Variants in RBFOX1 observed in about 807,000 individuals in gnomAD.
RBFOX1 encodes the protein RNA binding fox-1 homolog 1.
A neutral mutation model predicts 57.7 loss-of-function variants in RBFOX1; 8 were observed. The observed-to-expected ratio is 0.14, with a 90% CI of 0.08 to 0.25. The LOEUF is 0.25. Ranked by LOEUF, RBFOX1 falls within the 10% of genes least tolerant of loss-of-function variation. The pLI, the probability that RBFOX1 is intolerant of heterozygous loss-of-function variation, is 1.00. For missense variants in RBFOX1, 611 were observed against 548.5 expected, an observed-to-expected ratio of 1.11 and a Z score of -1.14; for synonymous variants, 326 against 222.4, an observed-to-expected ratio of 1.47 and a Z score of -4.15.
chr16:7,397,767 A>G lies in RBFOX1; in HGVS notation c.28-120380A>G, dbSNP rs565079375. On this transcript the variant is annotated intron_variant, in intron 4 of 15. Coordinates refer to ENST00000550418, the MANE Select transcript of RBFOX1 (RefSeq NM_018723.4). ...TTGGCTCTTAGAGTTTAAGTAATAG[A>G]TTTACGGTGGTATGAACACAGGTGT... 2.0e-5 allele frequency among the ~76,000 whole-genome samples: 3 copies of G among 152,200 alleles called. No homozygotes were observed. The South Asian group carries it at 6.2e-4, about 32-fold the overall frequency.
intron 3 of RBFOX1, among the ~76,000 whole-genome samples, chr16:6,963,738 G>T (rs926814596): frequency 6.6e-6 from 1 of 151,928 alleles, no homozygotes; most frequent in Non-Finnish European, 1.5e-5. Flanking sequence ...TTGCTCTGTT[G>T]CCCAGGCTGG....
intron 4 of RBFOX1, among the ~76,000 whole-genome samples, chr16:7,456,436 A>G (rs555599546): frequency 2.0e-5 from 3 of 152,332 alleles, no homozygotes; most frequent in South Asian, 2.1e-4. Context: ...AACACTAAGT[A>G]CTCAGCTGAA....
At chr16:7,164,436 G>T (rs186231170) in intron 4 of RBFOX1, among the ~76,000 whole-genome samples, 1 of 152,158 alleles carries the variant, frequency 6.6e-6, no homozygotes, top group African/African-American at 2.4e-5. Flanking sequence ...ACGTCTACAA[G>T]TGTCTTTTTT....
chr16:5,521,498 G>A (rs192960816), intron 2 of RBFOX1, among the ~76,000 whole-genome samples: 391 of 141,386 alleles, frequency 2.8e-3, no homozygotes, highest in African/African-American at 9.8e-3. Context: ...TCATTGACCC[G>A]AACCTGTCAA....
chr16:6,676,783 C>G (rs1420784662), intron 3 of RBFOX1, among the ~76,000 whole-genome samples: 3 of 145,048 alleles, frequency 2.1e-5, no homozygotes, highest in Admixed American at 7.2e-5. Context: ...TGAAGCATTT[C>G]TCCTGCCTCA....
intron 3 of RBFOX1, among the ~76,000 whole-genome samples, chr16:5,635,437 A>T (rs943927828): frequency 2.6e-5 from 4 of 152,226 alleles, no homozygotes; most frequent in African/African-American, 9.6e-5. Context: ...AGTTAAGCTG[A>T]AAGTTAAAGA....
chr16:6,089,077 AAATATAT>A (rs1259566452), intron 1 of RBFOX1, among the ~76,000 whole-genome samples: 5 of 139,824 alleles, frequency 3.6e-5, no homozygotes, highest in African/African-American at 1.4e-4. Context: ...AAAAAAAAAA[AAATATAT>A]ATATATATAT....
intron 3 of RBFOX1, among the ~76,000 whole-genome samples, chr16:5,843,044 G>A (rs932326776): frequency 1.3e-5 from 2 of 152,066 alleles, no homozygotes; most frequent in Non-Finnish European, 2.9e-5. Flanking sequence ...GGCCAGGCTG[G>A]TCTCGAACTC....
chr16:6,324,917 C>T (rs2082201776), intron 2 of RBFOX1, among the ~76,000 whole-genome samples: 1 of 152,106 alleles, frequency 6.6e-6, no homozygotes, highest in South Asian at 2.1e-4. Context: ...AGAAATTAGC[C>T]CATTTTCTCT....
At chr16:6,369,787 T>G (rs1204042664) in intron 2 of RBFOX1, among the ~76,000 whole-genome samples, 1 of 152,238 alleles carries the variant, frequency 6.6e-6, no homozygotes, top group Admixed American at 6.5e-5. Flanking sequence ...CTGGTTAACT[T>G]TGAATACTTC....
chr16:6,937,455 C>G (rs1022366878), intron 3 of RBFOX1, among the ~76,000 whole-genome samples: 2 of 152,040 alleles, frequency 1.3e-5, no homozygotes, highest in African/African-American at 2.4e-5. Flanking sequence ...TGAAAAGAGT[C>G]AAACTCTGTA....
intron 3 of RBFOX1, among the ~76,000 whole-genome samples, chr16:6,823,066 A>T (rs12599783): frequency 0.36 from 54,905 of 151,786 alleles, 11,695 homozygotes; most frequent in Non-Finnish European, 0.49. Flanking sequence ...TGTTGAATAC[A>T]ATTATTTCCA....
intron 1 of RBFOX1, among the ~76,000 whole-genome samples, chr16:5,255,538 A>G (rs546688660): frequency 6.6e-6 from 1 of 150,578 alleles, no homozygotes; most frequent in African/African-American, 2.5e-5. Flanking sequence ...CCACCCATTC[A>G]CTCATCTAAC....
intron 3 of RBFOX1, among the ~76,000 whole-genome samples, chr16:6,835,929 A>C (rs907929027): frequency 1.3e-5 from 2 of 152,086 alleles, no homozygotes; most frequent in African/African-American, 4.8e-5. Flanking sequence ...CTGAGCCTAA[A>C]ATGATAAAGA....
In RBFOX1 at chr16:7,552,679, T is replaced by G. The variant is rs1430891659; in HGVS notation, c.271-27098T>G. On this transcript the variant is annotated intron_variant, in intron 5 of 15. Transcript: ENST00000550418. ...TTGTTGTGAACGACTAATTTGCCAC[T>G]CTTGTTTTTCTTTCTTTTTTTGCAA... Among the ~76,000 whole-genome samples the G allele has an allele frequency of 3.3e-5, 5 of 152,126 alleles. No individual in the cohort carries two copies. In the East Asian group the frequency reaches 9.7e-4, roughly 29 times the overall value.
At chr16:5,657,569 G>T (rs1385581068) in intron 3 of RBFOX1, among the ~76,000 whole-genome samples, 3 of 152,100 alleles carry the variant, frequency 2.0e-5, no homozygotes, top group Non-Finnish European at 4.4e-5. Flanking sequence ...GCTGGACTTG[G>T]AGGGTTTGGT....
intron 4 of RBFOX1, among the ~76,000 whole-genome samples, chr16:7,147,510 A>T: frequency 6.6e-6 from 1 of 151,944 alleles, no homozygotes; most frequent in East Asian, 1.9e-4. Flanking sequence ...TTTTGCTCTT[A>T]TCCTGATGTC....
chr16:7,370,813 G>C (rs540312152), intron 4 of RBFOX1, among the ~76,000 whole-genome samples: 2 of 152,340 alleles, frequency 1.3e-5, no homozygotes, highest in African/African-American at 4.8e-5. Context: ...TTGCAGGACT[G>C]TTGTCCACAA....
At chr16:5,979,267 G>A (rs778808491) in intron 4 of RBFOX1, among the ~76,000 whole-genome samples, 1 of 152,152 alleles carries the variant, frequency 6.6e-6, no homozygotes, top group Non-Finnish European at 1.5e-5. Context: ...TCTGATGAGC[G>A]TGAGAGGTAT....
Sources: gnomAD v4.1 joint callset for allele counts (sites outside exome capture counted in the v4.1 genomes callset) on GRCh38, gnomAD v4.1.1 for gene constraint, MANE v1.5 for transcripts, NCBI Gene and HGNC (gene_info 2026-07-23, HGNC 2026-07-21) for gene names.